The following TGM6 variants were observed in gnomAD, a reference collection of about 807,000 sequenced individuals.
The protein encoded by TGM6 is transglutaminase 6.
In TGM6, 74 loss-of-function variants were observed where a neutral mutation model predicts 77.5. That is an observed-to-expected ratio of 0.96 (90% CI 0.79 to 1.16). TGM6 has a LOEUF of 1.16. Among genes scored for constraint, TGM6 ranks in the 50% most tolerant of loss-of-function variants. The pLI is 0.00. For synonymous variants in TGM6, 383 were observed against 378.9 expected, an observed-to-expected ratio of 1.01 and a Z score of -0.12; for missense variants, 968 against 940.2, an observed-to-expected ratio of 1.03 and a Z score of -0.39.
chr20:2,404,071 TCCTTGAA>T (rs1228170511), intron 9 of TGM6, among the ~76,000 whole-genome samples: 2 of 152,244 alleles, frequency 1.3e-5, no homozygotes, highest in Non-Finnish European at 1.5e-5. Context: ...TAGCTACATC[TCCTTGAA>T]CACTTGCCAT....
At position 2,395,323 on chromosome 20, in the gene TGM6, C is replaced by G. The variant is rs749168556; in HGVS notation, c.311C>G (p.Pro104Arg). The stretch of plus-strand genomic sequence containing the variant: ...ACTCTGACCGTCAGTCTCGCCAGCC[C>G]TCCCAGTGCTGTCATTGGCCGCTAC... ...EKTLTVSLAS[P>R]PSAVIGRYLL... The change falls in exon 3 of 13, where the codon CCT becomes CGT. Residue 104 changes from proline to arginine, a missense_variant. By Grantham distance (103) the Pro-to-Arg change is moderately radical (BLOSUM62 -2). Transcript: ENST00000202625. 9 of 1,614,130 alleles carry G rather than the reference C, an allele frequency of 5.6e-6. No individual in the cohort carries two copies. Among genetic ancestry groups the G allele is most frequent in the Non-Finnish European group, 6.8e-6 (8 of 1,180,056 alleles).
chr20:2,410,543 C>A (rs1344981710), intron 9 of TGM6, among the ~76,000 whole-genome samples: 1 of 152,122 alleles, frequency 6.6e-6, no homozygotes, highest in Non-Finnish European at 1.5e-5. Context: ...TATGAGAACC[C>A]CAAATCTGTA....
rs143408953 is a variant in TGM6, at chr20:2,400,361, C to T, written c.906C>T (p.His302=). 26 of 1,614,218 alleles carry T rather than the reference C, an allele frequency of 1.6e-5. No individual in the cohort carries two copies. The highest frequency in any genetic ancestry group is 9.9e-5 in the South Asian group (9 of 91,084). ...TRVVSNFNSA[H]DTDQNLSVDK... ...TCGTGTCCAACTTCAACTCAGCCCACGACACAGACCAGAACCTGAGTGTGG... is the reference window on the plus strand; with the variant it reads ...TCGTGTCCAACTTCAACTCAGCCCATGACACAGACCAGAACCTGAGTGTGG... Residue 302 remains histidine (H), a synonymous_variant, in exon 7 of 13, where the codon CAC becomes CAT. Transcript: ENST00000202625.
chr20:2,405,877 G>C (rs747999892), intron 9 of TGM6, among the ~76,000 whole-genome samples: 3 of 152,168 alleles, frequency 2.0e-5, no homozygotes, highest in Non-Finnish European at 4.4e-5. Context: ...CCCACCTGCT[G>C]TCTCCCTTCA....
chr20:2,414,350 A>G (rs1365718301), intron 9 of TGM6, among the ~76,000 whole-genome samples: 4 of 152,260 alleles, frequency 2.6e-5, no homozygotes, highest in Non-Finnish European at 5.9e-5. Context: ...AATGCATGTC[A>G]AAACCACAAT....
At chr20:2,391,043 A>G (rs921048067) in intron 1 of TGM6, among the ~76,000 whole-genome samples, 3 of 134,670 alleles carry the variant, frequency 2.2e-5, no homozygotes, top group African/African-American at 8.5e-5. Flanking sequence ...TGAGAGAGAC[A>G]GGAACCAATG....
intron 9 of TGM6, among the ~76,000 whole-genome samples, chr20:2,405,476 G>C (rs1449139496): frequency 6.6e-6 from 1 of 152,192 alleles, no homozygotes; most frequent in African/African-American, 2.4e-5. Flanking sequence ...AATGCTGAGA[G>C]CACTGTTAGG....
intron 9 of TGM6, among the ~76,000 whole-genome samples, chr20:2,416,382 G>A (rs1052477994): frequency 6.6e-6 from 1 of 152,182 alleles, no homozygotes; most frequent in Non-Finnish European, 1.5e-5. Context: ...ATTTCTACAT[G>A]GGTGTCAAGA....
chr20:2,404,367 A>G (rs1038829793), intron 9 of TGM6, among the ~76,000 whole-genome samples: 1 of 152,214 alleles, frequency 6.6e-6, no homozygotes, highest in Non-Finnish European at 1.5e-5. Context: ...TATATACTTT[A>G]AAAATCTCCC....
At chr20:2,430,865 C>T (rs781641337) in intron 11 of TGM6, 29 bp from the exon 12 acceptor site, 24 of 1,613,948 alleles carry the variant, frequency 1.5e-5, no homozygotes, top group Non-Finnish European at 1.9e-5. Flanking sequence ...GGGGTAGGCG[C>T]GATGGCTCAT....
chr20:2,431,956 A>G (rs2084926512), intron 12 of TGM6, among the ~76,000 whole-genome samples: 3 of 152,250 alleles, frequency 2.0e-5, no homozygotes, highest in Admixed American at 2.0e-4. Context: ...GGGGAAGTTC[A>G]GGGCACAGAC....
chr20:2,388,560 C>T (rs2122331246), intron 1 of TGM6, among the ~76,000 whole-genome samples: 1 of 151,602 alleles, frequency 6.6e-6, no homozygotes, highest in South Asian at 2.1e-4. Context: ...TTGCTTGAGG[C>T]CAGGAGTTGG....
intron 10 of TGM6, among the ~76,000 whole-genome samples, chr20:2,420,162 G>T (rs773982271): frequency 6.6e-6 from 1 of 152,034 alleles, no homozygotes; most frequent in Non-Finnish European, 1.5e-5. Context: ...GGAGAAAGGC[G>T]TGAACCCAGG....
chr20:2,413,353 G>A (rs577781452), intron 9 of TGM6, among the ~76,000 whole-genome samples: 1 of 152,150 alleles, frequency 6.6e-6, no homozygotes, highest in Non-Finnish European at 1.5e-5. Context: ...AGGTTGCAAT[G>A]AGCCATGATT....
intron 9 of TGM6, among the ~76,000 whole-genome samples, chr20:2,414,946 T>C (rs868243532): frequency 2.3e-5 from 2 of 88,644 alleles, no homozygotes; most frequent in East Asian, 4.0e-4. Context: ...GGGGGGGGGG[T>C]GAAAAAACGT....
intron 2 of TGM6, among the ~76,000 whole-genome samples, 157 bp downstream of exon 2, chr20:2,394,782 A>G (rs1043842524): frequency 3.9e-5 from 6 of 152,130 alleles, no homozygotes; most frequent in African/African-American, 1.4e-4. Flanking sequence ...TTCTGGTGGC[A>G]GCTTTCTGGG....
chr20:2,387,951 A>T (rs2422766), intron 1 of TGM6, among the ~76,000 whole-genome samples: 2 of 152,100 alleles, frequency 1.3e-5, no homozygotes, highest in East Asian at 1.9e-4. Context: ...TCCAGGTGAG[A>T]TTCTCCGTGG....
At chr20:2,387,698 T>C (rs978088891) in intron 1 of TGM6, among the ~76,000 whole-genome samples, 5 of 152,214 alleles carry the variant, frequency 3.3e-5, no homozygotes, top group African/African-American at 9.6e-5. Context: ...TGTTTCAGTT[T>C]TCAATTCCTG....
intron 10 of TGM6, among the ~76,000 whole-genome samples, chr20:2,423,510 G>T (rs2084869525): frequency 6.6e-6 from 1 of 152,172 alleles, no homozygotes; most frequent in African/African-American, 2.4e-5. Flanking sequence ...ATCAGATGGA[G>T]CAATTCAGTC....
Sources: allele counts gnomAD v4.1 joint callset (sites outside exome capture counted in the v4.1 genomes callset), GRCh38; gene constraint gnomAD v4.1.1; transcripts MANE v1.5; gene names NCBI Gene and HGNC (gene_info 2026-07-23, HGNC 2026-07-21).